The following ARHGAP44 variants were observed in gnomAD, a reference collection of about 807,000 sequenced individuals.
ARHGAP44 encodes rho GTPase-activating protein 44.
ARHGAP44 carries 43 observed loss-of-function variants against 106.8 expected under a neutral mutation model. The ratio of observed to expected loss-of-function variants is 0.40; its 90% CI spans 0.32 to 0.52. The LOEUF is 0.52. ARHGAP44 is among the 20% of genes least tolerant of loss of function. The pLI, the probability that ARHGAP44 is intolerant of heterozygous loss-of-function variation, is 0.48. For synonymous variants in ARHGAP44, 439 were observed against 410.3 expected, an observed-to-expected ratio of 1.07 and a Z score of -0.85; for missense variants, 866 against 1,050.5, an observed-to-expected ratio of 0.82 and a Z score of 2.43.
chr17:12,909,072 C>G, intron 4 of ARHGAP44, 99 bp downstream of exon 4: 1 of 1,047,824 alleles, frequency 9.5e-7, no homozygotes. Context: ...TGAATTCTCA[C>G]TGGGGACTTT....
intron 18 of ARHGAP44, 128 bp downstream of exon 18, chr17:12,974,438 A>G: frequency 1.2e-6 from 1 of 849,736 alleles, no homozygotes; most frequent in Non-Finnish European, 1.6e-6. Flanking sequence ...AAGCATTCAT[A>G]TTTGGCTTCT....
chr17:12,952,720 CTCTTTTTTTTTTTTT>C (rs765986376), intron 13 of ARHGAP44, 139 bp downstream of exon 13: 4 of 331,164 alleles, frequency 1.2e-5, no homozygotes, highest in South Asian at 4.4e-5. Context: ...CATGCATGGT[CTCTTTTTTTTTTTTT>C]TTTTTTTTTT....
Position 12,944,781 on chromosome 17 carries a change from G to A in ARHGAP44, c.861+585G>A, listed in dbSNP as rs193165497. Among the ~76,000 whole-genome samples, 672 of 149,556 alleles carry A rather than the reference G, an allele frequency of 4.5e-3. 2 individuals carry two copies. Among genetic ancestry groups the A allele is most frequent in the African/African-American group, 0.016 (634 of 40,664 alleles). ...TGGGATTACAGGCGTGAGCCACTGC[G>A]CCCGACCCTGCTGCTATTACTACTC... On this transcript the variant is annotated intron_variant, in intron 10 of 20. Coordinates refer to ENST00000379672, the MANE Select transcript of ARHGAP44 (RefSeq NM_014859.6).
At chr17:12,905,425 C>T (rs1335047115) in intron 3 of ARHGAP44, among the ~76,000 whole-genome samples, 2 of 152,142 alleles carry the variant, frequency 1.3e-5, no homozygotes, top group Non-Finnish European at 2.9e-5. Flanking sequence ...CCTATAGCTT[C>T]AAACTGTGTT....
At chr17:12,977,785 A>G (rs57650460) in intron 18 of ARHGAP44, among the ~76,000 whole-genome samples, 2,566 of 152,210 alleles carry the variant, frequency 0.017, 77 homozygotes, top group African/African-American at 0.058. Context: ...CACGCCTGCA[A>G]TCCCAGCACT....
intron 5 of ARHGAP44, among the ~76,000 whole-genome samples, chr17:12,916,404 G>C (rs1052100150): frequency 6.6e-6 from 1 of 151,492 alleles, no homozygotes; most frequent in African/African-American, 2.4e-5. Flanking sequence ...TTTTTTTTGA[G>C]ATGGAGTCTT....
chr17:12,810,013 G>C (rs1376568594), intron 1 of ARHGAP44, among the ~76,000 whole-genome samples: 1 of 152,134 alleles, frequency 6.6e-6, no homozygotes. Flanking sequence ...CATCAGCAGG[G>C]GGGTGGAACT....
At chr17:12,803,432 A>C (rs1227710478) in intron 1 of ARHGAP44, among the ~76,000 whole-genome samples, 2 of 152,036 alleles carry the variant, frequency 1.3e-5, no homozygotes, top group Admixed American at 6.6e-5. Flanking sequence ...TTTATCTCTT[A>C]CCTATCCAGT....
At chr17:12,863,795 A>G (rs1205277267) in intron 1 of ARHGAP44, among the ~76,000 whole-genome samples, 1 of 152,160 alleles carries the variant, frequency 6.6e-6, no homozygotes, top group African/African-American at 2.4e-5. Flanking sequence ...AAATAACAAT[A>G]TTTGTTTTCC....
intron 3 of ARHGAP44, among the ~76,000 whole-genome samples, chr17:12,905,894 T>C (rs141921820): frequency 6.6e-5 from 10 of 152,220 alleles, no homozygotes; most frequent in Non-Finnish European, 1.3e-4. Flanking sequence ...TTCACTGACT[T>C]GTCACTGAGG....
At chr17:12,956,771 G>C (rs571076425) in intron 15 of ARHGAP44, 25 bp downstream of exon 15, 459 of 1,602,870 alleles carry the variant, frequency 2.9e-4, no homozygotes, top group Admixed American at 7.7e-4. Context: ...CTAGGTGTGG[G>C]GGCAAGAGGC....
chr17:12,823,026 G>A (rs1005980665), intron 1 of ARHGAP44, among the ~76,000 whole-genome samples: 1 of 152,164 alleles, frequency 6.6e-6, no homozygotes, highest in Non-Finnish European at 1.5e-5. Context: ...GTGCAACTTC[G>A]TGTCGACTCT....
In ARHGAP44 at chr17:12,824,227, C is replaced by T. The variant is rs189699015; in HGVS notation, c.53+34336C>T. On this transcript the variant is annotated intron_variant, in intron 1 of 20. Coordinates refer to ENST00000379672, the MANE Select transcript of ARHGAP44 (RefSeq NM_014859.6). The stretch of plus-strand genomic sequence containing the variant: ...TTAATTCTCCTGAGCCTTCTTTGAG[C>T]TGCACATGGTCAATCCACAGGGCCT... Among the ~76,000 whole-genome samples the T allele has an allele frequency of 6.6e-5, 10 of 152,218 alleles. No individual in the cohort carries two copies. In the East Asian group the frequency reaches 1.9e-3, roughly 29 times the overall value.
chr17:12,952,547 G>A lies in ARHGAP44; in HGVS notation c.1102G>A (p.Glu368Lys), dbSNP rs758491610. The change falls in exon 13 of 21, where the codon GAA becomes AAA. Residue 368 changes from glutamate to lysine, a missense_variant. By Grantham distance (56) the Glu-to-Lys change is moderately conservative. Coordinates refer to ENST00000379672, the MANE Select transcript of ARHGAP44 (RefSeq NM_014859.6). The part of the protein sequence containing the change: ...KKLQALWNAC[E>K]KLPKANHNNI... ...GCTTCAGGCTCTATGGAATGCTTGT[G>A]AAAAGTTGCCCAAGGCCAATCACAA... 6 of 1,579,424 alleles carry A rather than the reference G, an allele frequency of 3.8e-6. No individual in the cohort carries two copies. The South Asian group carries it at 5.8e-5, about 15-fold the overall frequency.
chr17:12,806,597 C>T (rs1316784332), intron 1 of ARHGAP44, among the ~76,000 whole-genome samples: 1 of 152,172 alleles, frequency 6.6e-6, no homozygotes, highest in Non-Finnish European at 1.5e-5. Context: ...TGAGTGGCCA[C>T]TTGACATCTC....
intron 16 of ARHGAP44, among the ~76,000 whole-genome samples, chr17:12,961,888 G>C (rs973829307): frequency 6.6e-6 from 1 of 152,132 alleles, no homozygotes; most frequent in African/African-American, 2.4e-5. Context: ...GGGTGTTTTT[G>C]GAGAGAGGAG....
chr17:12,884,332 A>G (rs2036822845), intron 1 of ARHGAP44, among the ~76,000 whole-genome samples: 2 of 152,096 alleles, frequency 1.3e-5, no homozygotes, highest in African/African-American at 2.4e-5. Context: ...GTTTTCAATC[A>G]TTAACTTTTT....
chr17:12,938,170 G>A (rs940077670), intron 7 of ARHGAP44, among the ~76,000 whole-genome samples: 5 of 152,072 alleles, frequency 3.3e-5, no homozygotes, highest in Non-Finnish European at 1.5e-5. Context: ...TTGACAAGAA[G>A]ACAATCTTTG....
chr17:12,926,487 TGTATA>T (rs1429031296), intron 6 of ARHGAP44, among the ~76,000 whole-genome samples: 5 of 145,136 alleles, frequency 3.4e-5, no homozygotes, highest in Non-Finnish European at 4.5e-5. Flanking sequence ...TATATATGTA[TGTATA>T]ATATATGTAT....
Sources: gnomAD v4.1 joint callset for allele counts (sites outside exome capture counted in the v4.1 genomes callset) on GRCh38, gnomAD v4.1.1 for gene constraint, MANE v1.5 for transcripts, NCBI Gene and HGNC (gene_info 2026-07-23, HGNC 2026-07-21) for gene names.